Variants in GLIS1 observed in about 807,000 individuals in gnomAD.
GLIS1 encodes the protein GLIS family zinc finger 1, also known as zinc finger protein GLIS1.
A neutral mutation model predicts 63.8 loss-of-function variants in GLIS1; 24 were observed. The observed-to-expected ratio is 0.38, with a 90% confidence interval of 0.27 to 0.53. GLIS1 has a LOEUF of 0.53. Ranked by LOEUF, GLIS1 falls within the 20% of genes least tolerant of loss-of-function variation. The pLI, the probability that GLIS1 is intolerant of heterozygous loss-of-function variation, is 0.85. For missense variants in GLIS1, 1,036 were observed against 1,074.1 expected, an observed-to-expected ratio of 0.96 and a Z score of 0.50; for synonymous variants, 450 against 482.5, an observed-to-expected ratio of 0.93 and a Z score of 0.88.
intron 2 of GLIS1, among the ~76,000 whole-genome samples, chr1:53,633,175 ATGTGAATGTGACTGTGAGG>A (rs1553131494): frequency 7.9e-6 from 1 of 127,336 alleles, no homozygotes; most frequent in Non-Finnish European, 1.6e-5. Flanking sequence ...ACCGAGGGGC[ATGTGAATGTGACTGTGAGG>A]TGTGAATGTG....
At chr1:53,545,032 G>A (rs966157015) in intron 4 of GLIS1, among the ~76,000 whole-genome samples, 17 of 152,216 alleles carry the variant, frequency 1.1e-4, no homozygotes, top group African/African-American at 4.1e-4. Context: ...TGGATCCTTA[G>A]GGCAGGCTCT....
At chr1:53,564,268 A>T (rs1644916824) in intron 4 of GLIS1, among the ~76,000 whole-genome samples, 1 of 152,148 alleles carries the variant, frequency 6.6e-6, no homozygotes, top group Non-Finnish European at 1.5e-5. Context: ...TTAAGGTATT[A>T]ATGTCAGACT....
At chr1:53,624,664 C>T (rs1045377249) in intron 2 of GLIS1, among the ~76,000 whole-genome samples, 8 of 151,992 alleles carry the variant, frequency 5.3e-5, no homozygotes, top group African/African-American at 1.7e-4. Flanking sequence ...CCTCAGCCTC[C>T]TGAGAAGCTA....
intron 2 of GLIS1, among the ~76,000 whole-genome samples, chr1:53,631,830 C>T (rs567405853): frequency 1.4e-4 from 22 of 151,886 alleles, no homozygotes; most frequent in African/African-American, 4.8e-4. Flanking sequence ...GAGGGAACAG[C>T]CAGTGCCAAG....
chr1:53,529,925 G>A lies in GLIS1; in HGVS notation c.1348C>T (p.Arg450Trp), dbSNP rs148564902. Reference sequence around the variant, plus strand: ...AGGTGGATCTTGAGGTTCTCCAGCCGTGAGAAGGCCTTGCTGCAGCCTTCA... The same window carrying A: ...AGGTGGATCTTGAGGTTCTCCAGCCATGAGAAGGCCTTGCTGCAGCCTTCA... ...MFEGCSKAFS[R>W]LENLKIHLRS... Residue 450 changes from arginine (R) to tryptophan (W), a missense_variant, in exon 5 of 11, where the codon CGG becomes TGG. Physicochemically the swap from Arg to Trp is moderately radical, Grantham distance 101 (BLOSUM62 -3). Coordinates refer to ENST00000628545, the MANE Select transcript of GLIS1 (RefSeq NM_001367484.1). 1.1e-5 allele frequency: 17 copies of A among 1,613,666 alleles called. No homozygotes were observed. The highest frequency in any genetic ancestry group is 8.0e-5 in the African/African-American group (6 of 74,928).
intron 2 of GLIS1, among the ~76,000 whole-genome samples, chr1:53,658,769 TA>T (rs1371080102): frequency 1.3e-5 from 2 of 151,764 alleles, no homozygotes; most frequent in Admixed American, 6.6e-5. Context: ...CAGCAGGAGG[TA>T]GGGGTGTAGA....
intron 2 of GLIS1, among the ~76,000 whole-genome samples, chr1:53,667,209 C>T (rs1457954776): frequency 6.6e-6 from 1 of 152,230 alleles, no homozygotes; most frequent in Non-Finnish European, 1.5e-5. Flanking sequence ...AGGCCACTGG[C>T]ACCTGCACGC....
chr1:53,612,522 G>A (rs1279948154), intron 2 of GLIS1, among the ~76,000 whole-genome samples: 7 of 152,208 alleles, frequency 4.6e-5, no homozygotes, highest in African/African-American at 1.7e-4. Context: ...CTACAGGTGT[G>A]AGCCACCGCG....
At chr1:53,524,966 G>A (rs1422798534) in intron 5 of GLIS1, 79 bp from the exon 6 acceptor site, 3 of 1,072,798 alleles carry the variant, frequency 2.8e-6, no homozygotes, top group Non-Finnish European at 4.2e-6. Context: ...CTGCTGTGGG[G>A]AGGTGACCAG....
intron 4 of GLIS1, among the ~76,000 whole-genome samples, chr1:53,533,512 C>T (rs1377718602): frequency 6.6e-6 from 1 of 152,262 alleles, no homozygotes; most frequent in East Asian, 1.9e-4. Context: ...CTGGAACTTT[C>T]CAGAGCTGAG....
chr1:53,709,448 TG>T, intron 2 of GLIS1, among the ~76,000 whole-genome samples: 1 of 104,272 alleles, frequency 9.6e-6, no homozygotes, highest in South Asian at 3.6e-4. Flanking sequence ...ACACACTTGT[TG>T]ATGGTGTGAA....
At chr1:53,583,367 G>A (rs1412113471) in intron 4 of GLIS1, among the ~76,000 whole-genome samples, 2 of 152,164 alleles carry the variant, frequency 1.3e-5, no homozygotes, top group African/African-American at 4.8e-5. Context: ...TATGGCTTGG[G>A]GATCTGATAA....
intron 5 of GLIS1, among the ~76,000 whole-genome samples, chr1:53,527,256 T>C (rs1644479925): frequency 6.6e-6 from 1 of 152,136 alleles, no homozygotes; most frequent in Non-Finnish European, 1.5e-5. Flanking sequence ...ATCATCCCAG[T>C]GGGGAAGCTG....
intron 4 of GLIS1, among the ~76,000 whole-genome samples, chr1:53,556,309 G>T (rs1371101924): frequency 1.4e-5 from 2 of 145,352 alleles, no homozygotes; most frequent in Admixed American, 1.4e-4. Flanking sequence ...ATGTGTGTGT[G>T]TGCAGGTGTA....
chr1:53,531,581 G>T (rs577307766), intron 4 of GLIS1, among the ~76,000 whole-genome samples: 1 of 152,278 alleles, frequency 6.6e-6, no homozygotes, highest in South Asian at 2.1e-4. Flanking sequence ...TCCAGTCTGC[G>T]GTGAGTGCCA....
At chr1:53,550,994 G>A (rs1485026913) in intron 4 of GLIS1, among the ~76,000 whole-genome samples, 1 of 152,062 alleles carries the variant, frequency 6.6e-6, no homozygotes, top group African/African-American at 2.4e-5. Flanking sequence ...GGGATTACAG[G>A]CGCCCGCCAA....
At chr1:53,603,205 G>A (rs544768652) in intron 2 of GLIS1, among the ~76,000 whole-genome samples, 1 of 152,316 alleles carries the variant, frequency 6.6e-6, no homozygotes, top group African/African-American at 2.4e-5. Context: ...TCAAGTCATA[G>A]TATGGTGCCA....
chr1:53,680,692 G>A (rs1003005278), intron 2 of GLIS1, among the ~76,000 whole-genome samples: 4 of 152,218 alleles, frequency 2.6e-5, no homozygotes, highest in African/African-American at 7.2e-5. Context: ...GGGAATAGGT[G>A]TGATGCTCCT....
intron 2 of GLIS1, among the ~76,000 whole-genome samples, chr1:53,606,761 G>T (rs1468147511): frequency 6.6e-6 from 1 of 152,228 alleles, no homozygotes; most frequent in Non-Finnish European, 1.5e-5. Flanking sequence ...CTCAGCAGGG[G>T]CCTCCAGAAC....
Sources: allele counts gnomAD v4.1 joint callset (sites outside exome capture counted in the v4.1 genomes callset), GRCh38; gene constraint gnomAD v4.1.1; transcripts MANE v1.5; gene names NCBI Gene and HGNC (gene_info 2026-07-23, HGNC 2026-07-21).